Variants in NXPH1 observed in about 807,000 individuals in gnomAD.
NXPH1 encodes neurexophilin-1.
In NXPH1, 5 loss-of-function variants were observed where a neutral mutation model predicts 23.7. That is an observed-to-expected ratio of 0.21 (90% CI 0.11 to 0.44). The LOEUF (loss-of-function observed/expected upper bound fraction) is 0.44. Among genes scored for constraint, NXPH1 ranks in the 20% least tolerant of loss-of-function variants. The probability of loss-of-function intolerance (pLI) is 0.99; values close to 1 mark genes in which losing one functional copy is unlikely to be tolerated. For missense variants in NXPH1, 324 were observed against 321.6 expected (o/e 1.01, Z -0.06); for synonymous variants, 144 against 122.2 (o/e 1.18, Z -1.18).
intron 2 of NXPH1, among the ~76,000 whole-genome samples, chr7:8,471,177 G>A (rs1033822947): frequency 2.6e-5 from 4 of 152,038 alleles, no homozygotes; most frequent in Non-Finnish European, 2.9e-5. Flanking sequence ...CGAGTTTAGC[G>A]TCTCAAAATT....
intron 2 of NXPH1, among the ~76,000 whole-genome samples, chr7:8,724,411 A>G (rs993296426): frequency 2.0e-5 from 3 of 152,208 alleles, no homozygotes; most frequent in Non-Finnish European, 2.9e-5. Context: ...GTCTTCCCCA[A>G]CGACCTGTTC....
chr7:8,725,721 G>A (rs1780040395), intron 2 of NXPH1, among the ~76,000 whole-genome samples: 1 of 152,026 alleles, frequency 6.6e-6, no homozygotes, highest in Non-Finnish European at 1.5e-5. Context: ...CTAGAACATT[G>A]GATTTGCTCT....
rs1780555042 is a variant in NXPH1, at chr7:8,751,019, C to CA, written c.68dup (p.Asn23LysfsTer47). 6.2e-7 allele frequency: 1 copy of CA among 1,613,278 alleles called. No individual in the cohort carries two copies. Among genetic ancestry groups the CA allele is most frequent in the African/African-American group, 1.3e-5 (1 of 74,880 alleles). ...TCTTCTGTTTTCAGGTCACATGTGC[C>CA]AATTTAACGAACGGTGGAAAGTCAG... On this transcript the variant is annotated frameshift_variant, in exon 3 of 3. Transcript: ENST00000405863. LOFTEE classifies it high-confidence loss of function. This position sits in a 1 kb window ranked among gnomAD's most constrained non-coding sequence, Gnocchi z 4.5.
intron 2 of NXPH1, among the ~76,000 whole-genome samples, chr7:8,668,120 C>T (rs1052806297): frequency 3.3e-5 from 5 of 151,678 alleles, no homozygotes; most frequent in African/African-American, 1.2e-4. Context: ...TATTGTTTCT[C>T]TGTATTTTCT....
intron 2 of NXPH1, among the ~76,000 whole-genome samples, chr7:8,575,867 T>A (rs1287824786): frequency 6.6e-6 from 1 of 152,110 alleles, no homozygotes; most frequent in Non-Finnish European, 1.5e-5. Flanking sequence ...TGTTGCTGGA[T>A]CATAGTTTCC....
chr7:8,460,668 T>G (rs1338228935), intron 2 of NXPH1, among the ~76,000 whole-genome samples: 1 of 152,210 alleles, frequency 6.6e-6, no homozygotes, highest in Non-Finnish European at 1.5e-5. Flanking sequence ...CCAACAGTGT[T>G]TTGAATGGTT....
intron 2 of NXPH1, among the ~76,000 whole-genome samples, chr7:8,621,909 G>A (rs560526491): frequency 6.6e-6 from 1 of 152,164 alleles, no homozygotes; most frequent in African/African-American, 2.4e-5. Context: ...ACCAAGGACA[G>A]TCTGCCTCTG....
intron 2 of NXPH1, among the ~76,000 whole-genome samples, chr7:8,708,295 C>T (rs959601557): frequency 1.4e-4 from 22 of 151,984 alleles, no homozygotes; most frequent in Admixed American, 5.2e-4. Context: ...TTTTGTCATT[C>T]GGTCAAAATA....
At chr7:8,621,550 C>T (rs1041192424) in intron 2 of NXPH1, among the ~76,000 whole-genome samples, 4 of 150,546 alleles carry the variant, frequency 2.7e-5, no homozygotes, top group Admixed American at 6.7e-5. Context: ...TGTGATGGCA[C>T]GATCTTGGCT....
At chr7:8,687,780 T>C (rs1821169909) in intron 2 of NXPH1, among the ~76,000 whole-genome samples, 1 of 152,204 alleles carries the variant, frequency 6.6e-6, no homozygotes, top group Non-Finnish European at 1.5e-5. Context: ...GGTTAGCTAG[T>C]ATCATTGTCA....
At chr7:8,552,883 T>C (rs1226161791) in intron 2 of NXPH1, among the ~76,000 whole-genome samples, 2 of 151,596 alleles carry the variant, frequency 1.3e-5, no homozygotes, top group East Asian at 3.9e-4. Context: ...GAAGAAATTA[T>C]TTTTTCCTTT....
In NXPH1 at chr7:8,645,469, C is replaced by T. The variant is rs543023120; in HGVS notation, c.55-105539C>T. 2.6e-5 allele frequency among the ~76,000 whole-genome samples: 4 copies of T among 152,024 alleles called. No individual in the cohort carries two copies. The South Asian group carries it at 6.2e-4, about 24-fold the overall frequency. ...ATTCAAACTCCCTCTGTGATATTCT[C>T]CTTTATATTATTTGCACATTTTATT... is the stretch of plus-strand genomic sequence containing the variant. On this transcript the variant is annotated intron_variant, in intron 2 of 2. Coordinates refer to ENST00000405863, the MANE Select transcript of NXPH1 (RefSeq NM_152745.3).
At chr7:8,556,475 C>T (rs913258370) in intron 2 of NXPH1, among the ~76,000 whole-genome samples, 4 of 151,778 alleles carry the variant, frequency 2.6e-5, no homozygotes, top group African/African-American at 7.2e-5. Flanking sequence ...TTTGATTTCT[C>T]TTCATGTGGG....
At chr7:8,682,111 G>A (rs1821063383) in intron 2 of NXPH1, among the ~76,000 whole-genome samples, 1 of 152,168 alleles carries the variant, frequency 6.6e-6, no homozygotes, top group African/African-American at 2.4e-5. Flanking sequence ...CTTTGTGCTT[G>A]AGTATGCCTG....
At chr7:8,555,144 G>A (rs141031036) in intron 2 of NXPH1, among the ~76,000 whole-genome samples, 261 of 151,762 alleles carry the variant, frequency 1.7e-3, no homozygotes, top group African/African-American at 6.2e-3. Context: ...AAGAGCCTGT[G>A]GTTCTAATGG....
intron 2 of NXPH1, among the ~76,000 whole-genome samples, chr7:8,486,277 C>A (rs1259714862): frequency 1.3e-5 from 2 of 152,246 alleles, no homozygotes; most frequent in Admixed American, 6.5e-5. Context: ...AGGAGTAGAG[C>A]AGAATATATT....
chr7:8,599,952 G>A (rs1343203673), intron 2 of NXPH1, among the ~76,000 whole-genome samples: 1 of 152,014 alleles, frequency 6.6e-6, no homozygotes, highest in Non-Finnish European at 1.5e-5. Context: ...TTTGGAGGAA[G>A]AGCTTAAGAA....
chr7:8,675,995 A>C (rs1583225768), intron 2 of NXPH1, among the ~76,000 whole-genome samples: 2 of 152,126 alleles, frequency 1.3e-5, no homozygotes, highest in South Asian at 4.1e-4. Context: ...GTAAACTAAC[A>C]AATCTCTAGG....
intron 2 of NXPH1, among the ~76,000 whole-genome samples, chr7:8,688,618 T>C (rs1821182828): frequency 6.6e-6 from 1 of 152,132 alleles, no homozygotes; most frequent in Non-Finnish European, 1.5e-5. Flanking sequence ...TTTAGCTTAG[T>C]GTGTTGTATT....
Sources: gnomAD v4.1 joint callset for allele counts (sites outside exome capture counted in the v4.1 genomes callset) on GRCh38, gnomAD v4.1.1 for gene constraint, Gnocchi (gnomAD v3.1) non-coding constraint, MANE v1.5 for transcripts, NCBI Gene and HGNC (gene_info 2026-07-23, HGNC 2026-07-21) for gene names.